Variants in ADAMTSL3 observed in about 807,000 individuals in gnomAD.
The protein encoded by ADAMTSL3 is ADAMTS-like protein 3.
ADAMTSL3 carries 128 observed loss-of-function variants against 201.7 expected under a neutral mutation model. The observed-to-expected ratio is 0.63, with a 90% CI of 0.55 to 0.73. The LOEUF is 0.73. ADAMTSL3 is among the 30% of genes least tolerant of loss of function. The pLI, the probability that ADAMTSL3 is intolerant of heterozygous loss-of-function variation, is 0.00. For synonymous variants in ADAMTSL3, 738 were observed against 748.4 expected (o/e 0.99, Z 0.23); for missense variants, 1,990 against 2,119.6 (o/e 0.94, Z 1.20).
In ADAMTSL3 at chr15:83,704,571, C is replaced by T. The variant is rs1190130460; in HGVS notation, c.189+63C>T. On this transcript the variant is annotated intron_variant, in intron 3 of 29. Transcript: ENST00000286744. Reference sequence around the variant, plus strand: ...TGTTTGCCAGTGGTCAGGAAACTGTCTCTAAAAGACCTTCAAAGTAATTAT... The same window carrying T: ...TGTTTGCCAGTGGTCAGGAAACTGTTTCTAAAAGACCTTCAAAGTAATTAT... The T allele has an allele frequency of 6.9e-6, 9 of 1,298,596 alleles. No individual in the cohort carries two copies. In the South Asian group the frequency reaches 1.1e-4, roughly 15 times the overall value. 80.4% of individuals were successfully genotyped at this position (1,298,596 alleles called of 1,614,324 possible). A position where few individuals can be genotyped will look rare whatever the true frequency, so the allele number is the denominator to read the frequency against.
intron 9 of ADAMTSL3, among the ~76,000 whole-genome samples, chr15:83,877,232 A>T (rs1197366702): frequency 6.6e-6 from 1 of 152,122 alleles, no homozygotes; most frequent in African/African-American, 2.4e-5. Flanking sequence ...ATCCCCTAAG[A>T]TATTCTTCTA....
At chr15:83,660,349 A>G (rs1029753332) in intron 2 of ADAMTSL3, among the ~76,000 whole-genome samples, 11 of 152,166 alleles carry the variant, frequency 7.2e-5, no homozygotes, top group African/African-American at 2.7e-4. Context: ...GGCAGTGAGG[A>G]TGGAATCCTA....
intron 8 of ADAMTSL3, among the ~76,000 whole-genome samples, chr15:83,868,846 C>T (rs1383364519): frequency 6.6e-6 from 1 of 152,130 alleles, no homozygotes; most frequent in Non-Finnish European, 1.5e-5. Flanking sequence ...TGGCTAGATT[C>T]TGTATTAAAA....
chr15:83,669,644 A>C (rs928117936), intron 2 of ADAMTSL3, among the ~76,000 whole-genome samples: 18 of 148,512 alleles, frequency 1.2e-4, no homozygotes, highest in African/African-American at 4.2e-4. Flanking sequence ...ATTTTTTTGT[A>C]TTTTTAGTAG....
rs763892662 is a variant in ADAMTSL3 at position 83,870,956 on chromosome 15, C to G, written c.957C>G (p.Phe319Leu). ...GACCTCTGATGGCTGATTTCATCTT[C>G]AAGGTAGGATGATCCTCTTCATAAA... ...IPGPLMADFI[F>L]KTRYTAAKDS... The change falls in exon 9 of 30, where the codon TTC (phenylalanine) becomes TTG (leucine). Residue 319 changes from phenylalanine to leucine, a missense_variant. Phe to Leu is a conservative substitution (Grantham distance 22). Coordinates refer to ENST00000286744, the MANE Select transcript of ADAMTSL3 (RefSeq NM_207517.3). 1 of 1,612,612 alleles carries G rather than the reference C, an allele frequency of 6.2e-7. No homozygotes were observed. Among genetic ancestry groups the G allele is most frequent in the Non-Finnish European group, 8.5e-7 (1 of 1,179,592 alleles).
intron 19 of ADAMTSL3, among the ~76,000 whole-genome samples, chr15:83,967,695 A>G (rs891092449): frequency 2.6e-5 from 4 of 152,250 alleles, no homozygotes; most frequent in African/African-American, 9.6e-5. Flanking sequence ...TAAATTTCAT[A>G]TGGAACCAAA....
rs748973725 is a variant in ADAMTSL3, at chr15:83,704,490, T to G, written c.171T>G (p.Thr57=). 1.2e-6 allele frequency: 2 copies of G among 1,614,198 alleles called. No homozygotes were observed. The change falls in exon 3 of 30, where the codon ACT becomes ACG. Residue 57 remains threonine (T), a synonymous_variant. Coordinates refer to ENST00000286744, the MANE Select transcript of ADAMTSL3 (RefSeq NM_207517.3). ...ACACAACAGGGGAGCAGTTCCTCACTTATCGCTATGATGACCAGGTAAGAA... is the reference window on the plus strand; with the variant it reads ...ACACAACAGGGGAGCAGTTCCTCACGTATCGCTATGATGACCAGGTAAGAA... ...LEDTTGEQFL[T]YRYDDQTSRN...
At chr15:83,822,614 G>T (rs376303152) in intron 6 of ADAMTSL3, among the ~76,000 whole-genome samples, 1 of 150,966 alleles carries the variant, frequency 6.6e-6, no homozygotes, top group South Asian at 2.1e-4. Context: ...GGGCAGAGAC[G>T]CTCCTCACTT....
At chr15:83,683,641 G>A (rs2061502576) in intron 2 of ADAMTSL3, among the ~76,000 whole-genome samples, 1 of 152,138 alleles carries the variant, frequency 6.6e-6, no homozygotes, top group African/African-American at 2.4e-5. Flanking sequence ...AAATTGAGGA[G>A]GTAAGTAGGC....
intron 8 of ADAMTSL3, among the ~76,000 whole-genome samples, chr15:83,863,649 A>G (rs1413553514): frequency 6.6e-6 from 1 of 152,228 alleles, no homozygotes; most frequent in Admixed American, 6.5e-5. Flanking sequence ...CTAAATGCCC[A>G]CAAGAGAAAG....
Position 83,947,773 on chromosome 15 carries a change from T to A in ADAMTSL3, c.2490+4691T>A, listed in dbSNP as rs566114297. ...CTTTTCCATTGCTACACTTTTCCAC[T>A]GTGGTTGATTCTGTGTCCTGAATTC... On this transcript the variant is annotated intron_variant, in intron 19 of 29. Coordinates refer to ENST00000286744, the MANE Select transcript of ADAMTSL3 (RefSeq NM_207517.3). 2.0e-5 allele frequency among the ~76,000 whole-genome samples: 3 copies of A among 152,354 alleles called. No homozygotes were observed. The East Asian group carries it at 5.8e-4, about 29-fold the overall frequency.
rs187515474 is a variant in ADAMTSL3 at position 83,881,458 on chromosome 15, A to G, written c.961-3643A>G. On this transcript the variant is annotated intron_variant, in intron 9 of 29. Transcript: ENST00000286744. ...GAGCAAAAAGGTAGAGCCAAATGTC[A>G]TGCCAAATTTGCTCACATTTCTGAG... Among the ~76,000 whole-genome samples the G allele has an allele frequency of 1.2e-4, 19 of 152,364 alleles. No homozygotes were observed. The East Asian group carries it at 2.1e-3, about 17-fold the overall frequency.
chr15:83,683,599 C>T (rs1333533424), intron 2 of ADAMTSL3, among the ~76,000 whole-genome samples: 1 of 152,164 alleles, frequency 6.6e-6, no homozygotes, highest in African/African-American at 2.4e-5. Context: ...CTCATTTGAG[C>T]ATATGGTATC....
chr15:83,899,544 A>G (rs1370167031), intron 14 of ADAMTSL3, 103 bp from the exon 15 acceptor site: 13 of 1,160,952 alleles, frequency 1.1e-5, no homozygotes, highest in Middle Eastern at 2.0e-4. Flanking sequence ...TTTGAAAAAC[A>G]TGACCTCTTT....
At chr15:83,898,297 A>G (rs1253693057) in intron 14 of ADAMTSL3, among the ~76,000 whole-genome samples, 1 of 152,150 alleles carries the variant, frequency 6.6e-6, no homozygotes, top group Non-Finnish European at 1.5e-5. Flanking sequence ...CCTCCCTTGA[A>G]GAAAAAGAAG....
At position 83,897,914 on chromosome 15, in the gene ADAMTSL3, C is replaced by G; in HGVS notation, c.1524C>G (p.His508Gln). The change falls in exon 14 of 30, where the codon CAC (histidine) becomes CAG (glutamine). Residue 508 changes from histidine (H) to glutamine (Q), a missense_variant. His to Gln is a conservative substitution (Grantham distance 24, BLOSUM62 0). Transcript: ENST00000286744. ...LRYRVVLCIN[H>Q]RGEHVGGCNP... ...ACCGGGTTGTTCTGTGTATTAACCACCGCGGAGAGCATGTTGGGGGCTGCA... is the reference window on the plus strand; with the variant it reads ...ACCGGGTTGTTCTGTGTATTAACCAGCGCGGAGAGCATGTTGGGGGCTGCA... 6.2e-7 allele frequency: 1 copy of G among 1,613,892 alleles called. No homozygotes were observed. The highest frequency in any genetic ancestry group is 1.3e-5 in the African/African-American group (1 of 75,030).
At chr15:83,843,253 A>T (rs5016012) in intron 7 of ADAMTSL3, among the ~76,000 whole-genome samples, 8,001 of 81,306 alleles carry the variant, frequency 0.098, 312 homozygotes, top group South Asian at 0.31. Flanking sequence ...CTTTTTTTTA[A>T]AAAAAATCAA....
intron 2 of ADAMTSL3, among the ~76,000 whole-genome samples, chr15:83,662,688 A>G (rs891774711): frequency 5.7e-4 from 87 of 152,026 alleles, no homozygotes; most frequent in African/African-American, 2.1e-3. Context: ...GGCTTGACAC[A>G]TGGCTTCAGG....
rs559825619 is a variant in ADAMTSL3, at chr15:83,951,737, G to T, written c.2490+8655G>T. Among the ~76,000 whole-genome samples the T allele has an allele frequency of 3.9e-5, 6 of 152,064 alleles. No individual in the cohort carries two copies. In the East Asian group the frequency reaches 7.7e-4, roughly 20 times the overall value. On this transcript the variant is annotated intron_variant, in intron 19 of 29. Coordinates refer to ENST00000286744, the MANE Select transcript of ADAMTSL3 (RefSeq NM_207517.3). ...TTTGGATTTTTTCATGGTTCAATCT[G>T]GGTAGGTTGTATGTGTCTAGGAATT...
Sources: allele counts gnomAD v4.1 joint callset (sites outside exome capture counted in the v4.1 genomes callset), GRCh38; gene constraint gnomAD v4.1.1; transcripts MANE v1.5; gene names NCBI Gene and HGNC (gene_info 2026-07-23, HGNC 2026-07-21).